Variants in PCDH15 observed in about 807,000 individuals in gnomAD.
The protein encoded by PCDH15 is protocadherin related 15.
PCDH15 carries 129 observed loss-of-function variants against 178.5 expected under a neutral mutation model. The ratio of observed to expected loss-of-function variants is 0.72; its 90% confidence interval spans 0.63 to 0.84. PCDH15 has a LOEUF of 0.84. Among genes scored for constraint, PCDH15 ranks in the 40% least tolerant of loss-of-function variants. The pLI is 0.00. For missense variants in PCDH15, 2,230 were observed against 2,099.9 expected (o/e 1.06, Z -1.21); for synonymous variants, 800 against 732.0 (o/e 1.09, Z -1.50).
intron 25 of PCDH15, chr10:53,905,389 A>T: frequency 2.5e-6 from 1 of 404,702 alleles, no homozygotes; most frequent in Non-Finnish European, 4.9e-6. Context: ...GCTGGAGTGC[A>T]GTGGCACGAT....
intron 1 of PCDH15, among the ~76,000 whole-genome samples, chr10:54,729,162 T>A (rs150096830): frequency 4.3e-4 from 65 of 151,820 alleles, no homozygotes; most frequent in African/African-American, 1.5e-3. Context: ...CTACCTGACT[T>A]TAAATTATAC....
intron 20 of PCDH15, among the ~76,000 whole-genome samples, chr10:54,014,638 GAAACAGGACTAAAAACAA>G (rs2092688519): frequency 6.6e-6 from 1 of 152,048 alleles, no homozygotes; most frequent in African/African-American, 2.4e-5. Context: ...ATTCACCACA[GAAACAGGACTAAAAACAA>G]AAACTACATG....
At chr10:54,085,147 T>C (rs2094496120) in intron 16 of PCDH15, among the ~76,000 whole-genome samples, 2 of 152,066 alleles carry the variant, frequency 1.3e-5, no homozygotes, top group Non-Finnish European at 2.9e-5. Context: ...GGGAATAAAA[T>C]AAATATCTTT....
Position 54,169,617 on chromosome 10 carries a change from A to C in PCDH15, c.1590+13827T>G, listed in dbSNP as rs373287198. Among the ~76,000 whole-genome samples the C allele has an allele frequency of 6.8e-3, 1,000 of 146,798 alleles. 13 individuals carry two copies. The highest frequency in any genetic ancestry group is 0.064 in the East Asian group (323 of 5,022). ...TCCCAATCCAAAGCCTCCTTTGCAT[A>C]CTCCTCTTGTATCCCCCCACCTTAA... On this transcript the variant is annotated intron_variant, in intron 13 of 37. Coordinates refer to ENST00000644397, the MANE Select transcript of PCDH15 (RefSeq NM_001384140.1).
intron 2 of PCDH15, among the ~76,000 whole-genome samples, chr10:55,094,081 A>G (rs1842385427): frequency 6.6e-6 from 1 of 152,106 alleles, no homozygotes; most frequent in South Asian, 2.1e-4. Context: ...TACTATAAAG[A>G]CACATGCACA....
At chr10:53,904,089 A>G (rs1456021139) in intron 25 of PCDH15, among the ~76,000 whole-genome samples, 4 of 152,212 alleles carry the variant, frequency 2.6e-5, no homozygotes, top group Admixed American at 2.6e-4. Flanking sequence ...ACCTTTAATG[A>G]GAAATGTGGT....
intron 2 of PCDH15, among the ~76,000 whole-genome samples, chr10:55,037,075 C>T (rs1840753277): frequency 6.6e-6 from 1 of 152,088 alleles, no homozygotes; most frequent in Non-Finnish European, 1.5e-5. Flanking sequence ...TTTCCCATCA[C>T]AGAATCAGAA....
At chr10:54,807,373 A>G (rs1952795692) in intron 3 of PCDH15, among the ~76,000 whole-genome samples, 2 of 152,182 alleles carry the variant, frequency 1.3e-5, no homozygotes, top group African/African-American at 4.8e-5. Flanking sequence ...TGGAACTGGA[A>G]TAGTTGTGAA....
At chr10:53,880,176 G>T (rs2080599714) in intron 26 of PCDH15, among the ~76,000 whole-genome samples, 1 of 152,052 alleles carries the variant, frequency 6.6e-6, no homozygotes, top group South Asian at 2.1e-4. Flanking sequence ...TAGGTGTTAT[G>T]CATATTACAT....
intron 2 of PCDH15, among the ~76,000 whole-genome samples, chr10:55,123,619 T>C (rs1219235651): frequency 1.3e-5 from 2 of 152,068 alleles, no homozygotes; most frequent in Non-Finnish European, 2.9e-5. Flanking sequence ...GAGAGAATGA[T>C]TGTGAGATGG....
intron 23 of PCDH15, among the ~76,000 whole-genome samples, chr10:53,943,330 G>A (rs2086234518): frequency 6.6e-6 from 1 of 151,892 alleles, no homozygotes; most frequent in Non-Finnish European, 1.5e-5. Context: ...ATAAAAATTA[G>A]CCGGTTGTGG....
intron 2 of PCDH15, among the ~76,000 whole-genome samples, chr10:54,943,146 C>T (rs1411555197): frequency 6.6e-6 from 1 of 151,934 alleles, no homozygotes; most frequent in Non-Finnish European, 1.5e-5. Flanking sequence ...CACTGATCTC[C>T]TTGGGCTCAA....
Position 54,376,467 on chromosome 10 carries a change from T to C in PCDH15, c.318+2315A>G, listed in dbSNP as rs142581080. On this transcript the variant is annotated intron_variant, in intron 4 of 37. Coordinates refer to ENST00000644397, the MANE Select transcript of PCDH15 (RefSeq NM_001384140.1). ...ATATATGAATATCATAGTATTAATATATATTTCATTAATACTGGAGAGCAT... is the reference window on the plus strand; with the variant it reads ...ATATATGAATATCATAGTATTAATACATATTTCATTAATACTGGAGAGCAT... Among the ~76,000 whole-genome samples, 707 of 150,996 alleles carry C rather than the reference T, an allele frequency of 4.7e-3. 5 individuals carry two copies. Among genetic ancestry groups the C allele is most frequent in the African/African-American group, 0.015 (626 of 41,350 alleles).
intron 2 of PCDH15, among the ~76,000 whole-genome samples, chr10:55,142,746 C>G (rs892491236): frequency 2.6e-5 from 4 of 151,408 alleles, no homozygotes; most frequent in African/African-American, 9.7e-5. Flanking sequence ...TCAGCAAACT[C>G]AAGTCTCTTA....
chr10:54,613,025 T>C (rs926254993), intron 2 of PCDH15, among the ~76,000 whole-genome samples: 3 of 151,728 alleles, frequency 2.0e-5, no homozygotes, highest in Admixed American at 1.3e-4. Context: ...CTTCAGTAGA[T>C]GACAATATTT....
chr10:55,329,875 A>G (rs1844151078), intron 2 of PCDH15, among the ~76,000 whole-genome samples: 1 of 151,772 alleles, frequency 6.6e-6, no homozygotes, highest in African/African-American at 2.4e-5. Flanking sequence ...CCCAAGACCT[A>G]TTAAGGTGAC....
At chr10:53,931,581 A>G (rs1184496556) in intron 25 of PCDH15, among the ~76,000 whole-genome samples, 1 of 151,742 alleles carries the variant, frequency 6.6e-6, no homozygotes, top group African/African-American at 2.4e-5. Context: ...CACTGAAACA[A>G]TATTCTTAAT....
At chr10:54,132,793 C>A in intron 15 of PCDH15, 82 bp downstream of exon 15, 1 of 1,545,124 alleles carries the variant, frequency 6.5e-7, no homozygotes, top group Non-Finnish European at 8.7e-7. Flanking sequence ...TCCCTCCATA[C>A]ACAAATATAA....
intron 2 of PCDH15, among the ~76,000 whole-genome samples, chr10:54,633,768 G>A (rs980658184): frequency 3.9e-5 from 6 of 151,984 alleles, no homozygotes; most frequent in South Asian, 4.1e-4. Flanking sequence ...AATCAATTAC[G>A]CCCCAACCCA....
Sources: gnomAD v4.1 joint callset for allele counts (sites outside exome capture counted in the v4.1 genomes callset) on GRCh38, gnomAD v4.1.1 for gene constraint, MANE v1.5 for transcripts, NCBI Gene and HGNC (gene_info 2026-07-23, HGNC 2026-07-21) for gene names.